ZMYND8: variants seen among roughly 807,000 people sequenced by gnomAD.
ZMYND8 encodes the protein zinc finger MYND-type containing 8, also known as MYND-type zinc finger-containing chromatin reader ZMYND8.
Under a neutral mutation model 140.8 loss-of-function variants are expected in ZMYND8, and 37 were observed. That is an observed-to-expected ratio of 0.26 (90% CI 0.20 to 0.35). The LOEUF is 0.35. Among genes scored for constraint, ZMYND8 ranks in the 10% least tolerant of loss-of-function variants. The pLI is 1.00. For synonymous variants in ZMYND8, 592 were observed against 597.1 expected, an observed-to-expected ratio of 0.99 and a Z score of 0.12; for missense variants, 1,068 against 1,570.0, an observed-to-expected ratio of 0.68 and a Z score of 5.40.
chr20:47,290,737 G>A (rs767664152), intron 6 of ZMYND8, among the ~76,000 whole-genome samples: 31 of 151,652 alleles, frequency 2.0e-4, no homozygotes, highest in Admixed American at 7.2e-4. Context: ...AATTACAGGC[G>A]TGTGCTACCA....
chr20:47,282,110 T>C lies in ZMYND8; in HGVS notation c.990A>G (p.Gln330=), dbSNP rs75901748. Residue 330 remains glutamine (Q), a synonymous_variant, in exon 10 of 23, where the codon CAA becomes CAG. Transcript: ENST00000471951. ...CTGTTATTAACTCCCACCTGTCATG[T>C]TGTCCAAAGAATCGGGCATCGACCT... ...DGQVDARFFG[Q]HDRAWVPINN... The C allele has an allele frequency of 4.1e-4, 654 of 1,613,284 alleles. 2 individuals carry two copies. In the African/African-American group the frequency reaches 7.7e-3, roughly 19 times the overall value.
chr20:47,313,552 G>A (rs987868406), intron 2 of ZMYND8, among the ~76,000 whole-genome samples: 2 of 151,892 alleles, frequency 1.3e-5, no homozygotes, highest in Non-Finnish European at 2.9e-5. Flanking sequence ...AACCTGGGAG[G>A]CGGAGCTTGC....
At chr20:47,275,745 C>T (rs755150953) in intron 11 of ZMYND8, among the ~76,000 whole-genome samples, 5 of 151,948 alleles carry the variant, frequency 3.3e-5, no homozygotes, top group Non-Finnish European at 7.4e-5. Context: ...GTAGCTAGGA[C>T]TATAGACACA....
chr20:47,346,781 A>G (rs532688625), intron 2 of ZMYND8, among the ~76,000 whole-genome samples: 1 of 152,168 alleles, frequency 6.6e-6, no homozygotes, highest in African/African-American at 2.4e-5. Flanking sequence ...TAATTTTTGT[A>G]TTTTTAGTAG....
Position 47,210,678 on chromosome 20 carries a change from T to C in ZMYND8, c.*83A>G. On this transcript the variant is annotated 3_prime_UTR_variant, in exon 23 of 23. Transcript: ENST00000471951. The stretch of plus-strand genomic sequence containing the variant: ...CATTTTCAAGTCTGAAAGTGGCTGT[T>C]CTCCTGCCTTTGTTGTTTCTTCTTT... 1 of 1,611,432 alleles carries C rather than the reference T, an allele frequency of 6.2e-7. No homozygotes were observed. Among genetic ancestry groups the C allele is most frequent in the Non-Finnish European group, 8.5e-7 (1 of 1,178,108 alleles).
chr20:47,329,014 GA>G (rs1231423055), intron 2 of ZMYND8, among the ~76,000 whole-genome samples: 4 of 152,210 alleles, frequency 2.6e-5, no homozygotes, highest in African/African-American at 9.6e-5. Flanking sequence ...GGCAAAAAGG[GA>G]ATTCAGCAGG....
At chr20:47,259,952 TAATTCCTGCCTCCAGCTGCCC>T (rs2075034109) in intron 12 of ZMYND8, among the ~76,000 whole-genome samples, 1 of 152,156 alleles carries the variant, frequency 6.6e-6, no homozygotes, top group Non-Finnish European at 1.5e-5. Flanking sequence ...CAGGGAACCC[TAATTCCTGCCTCCAGCTGCCC>T]TATTGACCTC....
chr20:47,248,707 GAGCAATGAAGTA>G (rs2073926349), intron 13 of ZMYND8, among the ~76,000 whole-genome samples: 1 of 152,188 alleles, frequency 6.6e-6, no homozygotes, highest in African/African-American at 2.4e-5. Flanking sequence ...TGCTACTTCC[GAGCAATGAAGTA>G]CCAAAGGAGG....
chr20:47,300,038 G>A (rs895916043), intron 3 of ZMYND8, among the ~76,000 whole-genome samples: 1 of 152,118 alleles, frequency 6.6e-6, no homozygotes, highest in African/African-American at 2.4e-5. Flanking sequence ...AGATGAGATG[G>A]GTGGCCAACT....
chr20:47,297,516 G>A (rs1326981143), intron 4 of ZMYND8, among the ~76,000 whole-genome samples: 1 of 151,646 alleles, frequency 6.6e-6, no homozygotes, highest in African/African-American at 2.4e-5. Context: ...CAACCATCTC[G>A]GCTCAAGTGA....
At position 47,254,330 on chromosome 20, in the gene ZMYND8, G is replaced by A. The variant is rs549482121; in HGVS notation, c.1622-4891C>T. Among the ~76,000 whole-genome samples the A allele has an allele frequency of 1.0e-3, 155 of 152,280 alleles. 3 individuals carry two copies. In the South Asian group the frequency reaches 0.03, roughly 30 times the overall value. ...GTTGGGCGATACCTCTCAAAATGTCGCCGCATGTGGCCTCTGATGCTCAAT... is the reference window on the plus strand; with the variant it reads ...GTTGGGCGATACCTCTCAAAATGTCACCGCATGTGGCCTCTGATGCTCAAT... On this transcript the variant is annotated intron_variant, in intron 12 of 22. Transcript: ENST00000471951.
chr20:47,270,497 T>G (rs16992479), intron 11 of ZMYND8, among the ~76,000 whole-genome samples: 3 of 151,208 alleles, frequency 2.0e-5, no homozygotes, highest in Non-Finnish European at 4.4e-5. Context: ...AGGTGATCCA[T>G]GAACCAAGGA....
chr20:47,341,292 C>T (rs1232240951), intron 2 of ZMYND8, among the ~76,000 whole-genome samples: 1 of 151,942 alleles, frequency 6.6e-6, no homozygotes. Flanking sequence ...TTTGGAAGGC[C>T]GAGGTGGGCA....
chr20:47,333,242 A>C (rs766849004), intron 2 of ZMYND8, among the ~76,000 whole-genome samples: 15 of 152,074 alleles, frequency 9.9e-5, no homozygotes, highest in Non-Finnish European at 1.8e-4. Context: ...TTTAAGCCAG[A>C]CATAGTGGTA....
intron 18 of ZMYND8, among the ~76,000 whole-genome samples, chr20:47,226,125 T>C (rs1237732054): frequency 1.5e-5 from 2 of 136,108 alleles, no homozygotes; most frequent in Non-Finnish European, 3.1e-5. Context: ...TACTCCAACA[T>C]GGGAAACAAG....
intron 6 of ZMYND8, 50 bp downstream of exon 6, chr20:47,291,746 G>C: frequency 6.8e-7 from 1 of 1,478,232 alleles, no homozygotes; most frequent in South Asian, 1.2e-5. Context: ...AAGAGCCTTA[G>C]GCATCTCAAC....
intron 10 of ZMYND8, among the ~76,000 whole-genome samples, chr20:47,278,460 G>A (rs3803941): frequency 0.16 from 24,798 of 152,096 alleles, 2,179 homozygotes; most frequent in African/African-American, 0.23. Flanking sequence ...ACACTGCCAC[G>A]TTTTCCAATA....
At chr20:47,281,998 C>T in intron 10 of ZMYND8, 104 bp downstream of exon 10, 1 of 962,092 alleles carries the variant, frequency 1.0e-6, no homozygotes, top group Admixed American at 2.5e-5. Context: ...GGTATCATGA[C>T]AATAATGAGA....
At chr20:47,299,052 T>C in intron 3 of ZMYND8, 105 bp from the exon 4 acceptor site, 1 of 1,090,766 alleles carries the variant, frequency 9.2e-7, no homozygotes. Context: ...TAACAGCATT[T>C]CACAAATTCA....
Sources: gnomAD v4.1 joint callset for allele counts (sites outside exome capture counted in the v4.1 genomes callset) on GRCh38, gnomAD v4.1.1 for gene constraint, MANE v1.5 for transcripts, NCBI Gene and HGNC (gene_info 2026-07-23, HGNC 2026-07-21) for gene names.